PKHD1: variants seen among roughly 807,000 people sequenced by gnomAD.
The protein encoded by PKHD1 is fibrocystin.
In PKHD1, 291 loss-of-function variants were observed where a neutral mutation model predicts 412.0. The observed-to-expected ratio is 0.71, with a 90% CI of 0.64 to 0.78. PKHD1 has a LOEUF of 0.78. Ranked by LOEUF, PKHD1 falls within the 30% of genes least tolerant of loss-of-function variation. PKHD1 has a pLI of 0.00. For missense variants in PKHD1, 4,825 were observed against 4,950.7 expected (o/e 0.97, Z 0.76); for synonymous variants, 1,777 against 1,821.5 (o/e 0.98, Z 0.62).
At chr6:51,863,105 T>A (rs1774462751) in intron 48 of PKHD1, among the ~76,000 whole-genome samples, 1 of 152,194 alleles carries the variant, frequency 6.6e-6, no homozygotes, top group South Asian at 2.1e-4. Flanking sequence ...CCCATTTTAG[T>A]GATGAAAGAA....
chr6:51,897,083 C>A (rs1488666539), intron 43 of PKHD1, among the ~76,000 whole-genome samples: 1 of 151,892 alleles, frequency 6.6e-6, no homozygotes, highest in African/African-American at 2.4e-5. Context: ...AGTTGGAAAA[C>A]ACTCTGCAGG....
At chr6:51,738,296 T>C (rs144561434) in intron 60 of PKHD1, among the ~76,000 whole-genome samples, 34 of 152,100 alleles carry the variant, frequency 2.2e-4, no homozygotes, top group African/African-American at 7.0e-4. Flanking sequence ...CCAAAATATA[T>C]AGAAATAGGA....
At chr6:51,960,779 A>G (rs929220809) in intron 35 of PKHD1, among the ~76,000 whole-genome samples, 1 of 152,114 alleles carries the variant, frequency 6.6e-6, no homozygotes, top group Non-Finnish European at 1.5e-5. Context: ...CAGAAAAGGA[A>G]GCACTCCCTC....
rs769223833 is a variant in PKHD1, at chr6:51,619,443, C to A, written c.11863G>T (p.Val3955Phe). ...TCCTCTCGGACAATGTGGCGGCTAACTTTCCTTCTGGACACTCCATTCATC... is the reference window on the plus strand; with the variant it reads ...TCCTCTCGGACAATGTGGCGGCTAAATTTCCTTCTGGACACTCCATTCATC... ...QLMNGVSRRK[V>F]SRHIVREEEA... Residue 3955 changes from valine (V) to phenylalanine (F), a missense_variant, in exon 67 of 67, where the codon GTT (valine) becomes TTT (phenylalanine). Coordinates refer to ENST00000371117, the MANE Select transcript of PKHD1 (RefSeq NM_138694.4). 14 of 1,613,788 alleles carry A rather than the reference C, an allele frequency of 8.7e-6. No individual in the cohort carries two copies. In the South Asian group the frequency reaches 1.3e-4, roughly 15 times the overall value.
chr6:51,741,931 A>G (rs1244457385), intron 60 of PKHD1, among the ~76,000 whole-genome samples: 1 of 152,216 alleles, frequency 6.6e-6, no homozygotes, highest in Non-Finnish European at 1.5e-5. Flanking sequence ...TCCTCACCAA[A>G]AGCTCAAGTC....
At chr6:51,707,128 G>A (rs1216145857) in intron 60 of PKHD1, among the ~76,000 whole-genome samples, 1 of 152,124 alleles carries the variant, frequency 6.6e-6, no homozygotes, top group Non-Finnish European at 1.5e-5. Flanking sequence ...TACCATGACA[G>A]CCTGATAAGT....
chr6:52,045,578 T>G (rs918801505), intron 24 of PKHD1, among the ~76,000 whole-genome samples: 2 of 152,226 alleles, frequency 1.3e-5, no homozygotes, highest in Non-Finnish European at 2.9e-5. Flanking sequence ...GATCATTAGA[T>G]TATTTTTTAA....
chr6:51,702,167 T>TTC (rs1779497549), intron 60 of PKHD1, among the ~76,000 whole-genome samples: 1 of 146,710 alleles, frequency 6.8e-6, no homozygotes, highest in African/African-American at 2.5e-5. Context: ...ATATATATTA[T>TTC]ATGTATAATA....
At chr6:51,847,498 A>C (rs917749865) in intron 50 of PKHD1, among the ~76,000 whole-genome samples, 7 of 152,068 alleles carry the variant, frequency 4.6e-5, no homozygotes, top group Non-Finnish European at 1.0e-4. Context: ...GTTATTCTTT[A>C]TTTAATTTCC....
intron 65 of PKHD1, among the ~76,000 whole-genome samples, chr6:51,629,416 A>T (rs768656992): frequency 6.6e-6 from 1 of 152,144 alleles, no homozygotes; most frequent in East Asian, 1.9e-4. Flanking sequence ...GTGAACAGAC[A>T]CTTCTCAAAA....
chr6:51,665,782 A>G (rs892409635), intron 60 of PKHD1, among the ~76,000 whole-genome samples: 1 of 152,148 alleles, frequency 6.6e-6, no homozygotes, highest in Non-Finnish European at 1.5e-5. Flanking sequence ...GTGAGAGGCT[A>G]ATGTTGGAGG....
intron 53 of PKHD1, among the ~76,000 whole-genome samples, chr6:51,788,046 G>A (rs1282921908): frequency 6.6e-6 from 1 of 152,130 alleles, no homozygotes. Context: ...CTGCAGTGTA[G>A]AAAGATGAAC....
rs761039344 is a variant in PKHD1 at position 51,619,049 on chromosome 6, C to T, written c.*32G>A. 1.3e-6 allele frequency: 2 copies of T among 1,595,520 alleles called. No individual in the cohort carries two copies. Among genetic ancestry groups the T allele is most frequent in the Non-Finnish European group, 1.7e-6 (2 of 1,163,426 alleles). The stretch of plus-strand genomic sequence containing the variant: ...ATCCAGAAATACTGGGAACATTCTG[C>T]CTTTCAGGCCAAATGCCCCCAACTT... On this transcript the variant is annotated 3_prime_UTR_variant, in exon 67 of 67. Coordinates refer to ENST00000371117, the MANE Select transcript of PKHD1 (RefSeq NM_138694.4).
At position 52,066,075 on chromosome 6, in the gene PKHD1, T is replaced by G; in HGVS notation, c.781A>C (p.Ile261Leu). The change falls in exon 12 of 67, where the codon ATA becomes CTA. Residue 261 changes from isoleucine to leucine, a missense_variant and splice_region_variant. Coordinates refer to ENST00000371117, the MANE Select transcript of PKHD1 (RefSeq NM_138694.4). The part of the protein sequence containing the change: ...DLFLYQTHSE[I>L]LSVFPETGSL... ...CCAGTTTCTGGAAACACAGATAATATTTCTGCAAGAGTTAAAAAAAAAAAA... is the reference window on the plus strand; with the variant it reads ...CCAGTTTCTGGAAACACAGATAATAGTTCTGCAAGAGTTAAAAAAAAAAAA... 2.0e-6 allele frequency: 3 copies of G among 1,504,100 alleles called. No individual in the cohort carries two copies. The highest frequency in any genetic ancestry group is 2.8e-6 in the Non-Finnish European group (3 of 1,090,756). 93.2% of individuals were successfully genotyped at this position (1,504,100 alleles called of 1,614,324 possible).
intron 35 of PKHD1, among the ~76,000 whole-genome samples, chr6:51,960,759 C>T (rs2127951388): frequency 6.6e-6 from 1 of 152,242 alleles, no homozygotes; most frequent in East Asian, 1.9e-4. Context: ...GCTGTACTGA[C>T]AGAAGAAGCC....
intron 33 of PKHD1, among the ~76,000 whole-genome samples, chr6:52,020,670 T>G (rs1000880945): frequency 6.6e-6 from 1 of 152,048 alleles, no homozygotes; most frequent in African/African-American, 2.4e-5. Context: ...TTGAAAAAAT[T>G]AGAGTAGGGG....
chr6:52,043,557 TGGC>T, intron 26 of PKHD1, 65 bp downstream of exon 26: 3 of 1,056,710 alleles, frequency 2.8e-6, no homozygotes, highest in Non-Finnish European at 4.4e-6. Flanking sequence ...ACCAGCTACA[TGGC>T]CTCTAACAAA....
intron 60 of PKHD1, among the ~76,000 whole-genome samples, chr6:51,713,304 T>C (rs1269510303): frequency 6.6e-6 from 1 of 152,194 alleles, no homozygotes; most frequent in Admixed American, 6.5e-5. Flanking sequence ...TCCAGTGCAA[T>C]CTAATGCAAT....
At chr6:51,636,605 AAAC>A (rs1315051632) in intron 64 of PKHD1, among the ~76,000 whole-genome samples, 2 of 152,122 alleles carry the variant, frequency 1.3e-5, no homozygotes, top group African/African-American at 2.4e-5. Flanking sequence ...ACAACAAAAG[AAAC>A]AACAATAACA....
Sources: gnomAD v4.1 joint callset for allele counts (sites outside exome capture counted in the v4.1 genomes callset) on GRCh38, gnomAD v4.1.1 for gene constraint, MANE v1.5 for transcripts, NCBI Gene and HGNC (gene_info 2026-07-23, HGNC 2026-07-21) for gene names.